WDR86: variants seen among roughly 807,000 people sequenced by gnomAD.
WDR86 encodes the protein WD repeat-containing protein 86.
Under a neutral mutation model 36.5 loss-of-function variants are expected in WDR86, and 30 were observed. The ratio of observed to expected loss-of-function variants is 0.82; its 90% CI spans 0.61 to 1.11. The LOEUF is 1.11. Ranked by LOEUF, WDR86 falls within the 50% of genes most tolerant of loss-of-function variation. The pLI is 0.00. For synonymous variants in WDR86, 255 were observed against 252.9 expected (o/e 1.01, Z -0.08); for missense variants, 545 against 561.2 (o/e 0.97, Z 0.29).
chr7:151,373,035 C>A (rs1441802878), downstream of WDR86, among the ~76,000 whole-genome samples: 3 of 152,248 alleles, frequency 2.0e-5, no homozygotes, highest in African/African-American at 7.2e-5. Context: ...TCTGGTTCCA[C>A]AATGATGATG....
chr7:151,397,270 C>A (rs1460865658), intron 2 of WDR86, among the ~76,000 whole-genome samples: 1 of 152,260 alleles, frequency 6.6e-6, no homozygotes, highest in Non-Finnish European at 1.5e-5. Context: ...CCACTCGGGA[C>A]AAGCCTGCTG....
At chr7:151,394,708 T>C (rs879860088) in intron 3 of WDR86, among the ~76,000 whole-genome samples, 1 of 152,214 alleles carries the variant, frequency 6.6e-6, no homozygotes, top group African/African-American at 2.4e-5. Context: ...GCATCTTCCA[T>C]TGATTCACCA....
At chr7:151,377,983 T>A (rs1371055611), downstream of WDR86, 1 of 152,252 alleles carries the variant, frequency 6.6e-6, no homozygotes, top group Non-Finnish European at 1.5e-5. Flanking sequence ...ATTTTTAGAC[T>A]CTGTGCTGTC....
At chr7:151,374,302 TC>T (rs1798104140), downstream of WDR86, 1 of 1,533,296 alleles carries the variant, frequency 6.5e-7, no homozygotes, top group Non-Finnish European at 8.8e-7. Context: ...TGCCCAGAGC[TC>T]CCTCCATGGC....
At chr7:151,385,591 G>A (rs1363393770) in intron 3 of WDR86, among the ~76,000 whole-genome samples, 2 of 152,178 alleles carry the variant, frequency 1.3e-5, no homozygotes, top group Non-Finnish European at 2.9e-5. Context: ...TGGCTGAGGA[G>A]AGGGCTTCCA....
chr7:151,388,082 G>A lies in WDR86; in HGVS notation c.727-2859C>T, dbSNP rs1799121930. 6.6e-6 allele frequency among the ~76,000 whole-genome samples: 1 copy of A among 152,204 alleles called. No homozygotes were observed. Among genetic ancestry groups the A allele is most frequent in the Non-Finnish European group, 1.5e-5 (1 of 68,048 alleles). On this transcript the variant is annotated intron_variant, in intron 3 of 5. Coordinates refer to ENST00000334493, the MANE Select transcript of WDR86 (RefSeq NM_198285.3). The surrounding 1 kb of genome is among the most constrained non-coding windows in gnomAD (Gnocchi z 4.2). The stretch of plus-strand genomic sequence containing the variant: ...TCTGCCCGCCGGCTCCTCAGGGTTG[G>A]GTGAGACTCATGAACTGGTACGACA...
In WDR86 at chr7:151,406,722, A is replaced by C. The variant is rs1044481391; in HGVS notation, c.163+2705T>G. Among the ~76,000 whole-genome samples, 12 of 152,078 alleles carry C rather than the reference A, an allele frequency of 7.9e-5. No individual in the cohort carries two copies. Among genetic ancestry groups the C allele is most frequent in the African/African-American group, 2.9e-4 (12 of 41,396 alleles). On this transcript the variant is annotated intron_variant, in intron 1 of 5. Transcript: ENST00000334493. This position sits in a 1 kb window ranked among gnomAD's most constrained non-coding sequence, Gnocchi z 4.4. The stretch of plus-strand genomic sequence containing the variant: ...GGATGTTGGCGACAGCACCCACCCC[A>C]TTATCGATGGTATCTAGAAAACAAC...
chr7:151,408,939 C>G (rs769834704), intron 1 of WDR86: 30 of 472,126 alleles, frequency 6.4e-5, no homozygotes, highest in Non-Finnish European at 1.2e-4. Context: ...AGTGTGACGA[C>G]GGCACACTTC....
Position 151,381,476 on chromosome 7 carries a change from TCCTCGCC to T in WDR86, c.*99_*105del, listed in dbSNP as rs751804373. 4.1e-6 allele frequency: 6 copies of T among 1,475,370 alleles called. No individual in the cohort carries two copies. The highest frequency in any genetic ancestry group is 1.3e-5 in the South Asian group (1 of 78,004). The allele number at this position is 1,475,370 out of a possible 1,614,324, so 91.4% of individuals were successfully genotyped here. ...TCTCCTCCCGCCCGGGCTTCCTCGC[TCCTCGCC>T]CCTCGCCGGCCATCGGGCGCCACCA... On this transcript the variant is annotated 3_prime_UTR_variant, in exon 6 of 6. Transcript: ENST00000334493. This position sits in a 1 kb window ranked among gnomAD's most constrained non-coding sequence, Gnocchi z 4.8.
At chr7:151,376,762 G>T (rs556670832), downstream of WDR86, 1 of 1,594,958 alleles carries the variant, frequency 6.3e-7, no homozygotes, top group Middle Eastern at 1.7e-4. Flanking sequence ...TGCCGCTGTC[G>T]CCAGAAGACT....
chr7:151,370,692 C>T, the WDR86 span, among the ~76,000 whole-genome samples: 1 of 125,014 alleles, frequency 8.0e-6, no homozygotes, highest in Admixed American at 8.3e-5. Context: ...ATCCCTCCCC[C>T]CTCCCCCCAC....
At chr7:151,402,589 C>T (rs145687213) in intron 1 of WDR86, among the ~76,000 whole-genome samples, 3 of 152,146 alleles carry the variant, frequency 2.0e-5, no homozygotes, top group Admixed American at 1.3e-4. Context: ...GGGAGAACAG[C>T]GGCTAGGAAA....
intron 2 of WDR86, among the ~76,000 whole-genome samples, chr7:151,396,496 C>T (rs1289253725): frequency 2.0e-5 from 3 of 151,670 alleles, no homozygotes; most frequent in Non-Finnish European, 4.4e-5. Context: ...GCAGGAGCAG[C>T]GGGAAGGGGA....
At chr7:151,374,894 G>A (rs1262183972), downstream of WDR86, among the ~76,000 whole-genome samples, 1 of 152,180 alleles carries the variant, frequency 6.6e-6, no homozygotes, top group Non-Finnish European at 1.5e-5. Context: ...GAGGGGTCCC[G>A]AGGGGGTGCA....
chr7:151,383,953 C>T (rs943376478), intron 4 of WDR86, among the ~76,000 whole-genome samples: 3 of 152,214 alleles, frequency 2.0e-5, no homozygotes, highest in Non-Finnish European at 4.4e-5. Context: ...GAACCTTCCT[C>T]GTGTTCAATT....
rs764851975 is a variant in WDR86, at chr7:151,396,059, G to A, written c.443C>T (p.Pro148Leu). The change falls in exon 3 of 6, where the codon CCG (proline) becomes CTG (leucine). Residue 148 changes from proline (P) to leucine (L), a missense_variant. By Grantham distance (98) the Pro-to-Leu change is moderately conservative. Coordinates refer to ENST00000334493, the MANE Select transcript of WDR86 (RefSeq NM_198285.3). Reference protein sequence around the residue: ...NCVLTLAYSAPWDLPSTPCAE... With the variant: ...NCVLTLAYSALWDLPSTPCAE... ...GCAGGGAGTGCTGGGGAGGTCCCACGGGGCAGAGTAGGCTAGGGTCAGCAC... is the reference window on the plus strand; with the variant it reads ...GCAGGGAGTGCTGGGGAGGTCCCACAGGGCAGAGTAGGCTAGGGTCAGCAC... 1.7e-5 allele frequency: 27 copies of A among 1,611,970 alleles called. No homozygotes were observed. Among genetic ancestry groups the A allele is most frequent in the Non-Finnish European group, 1.8e-5 (21 of 1,179,616 alleles).
chr7:151,380,708 C>T (rs13242467), downstream of WDR86, among the ~76,000 whole-genome samples: 16,467 of 151,918 alleles, frequency 0.11, 1,308 homozygotes, highest in East Asian at 0.34. Context: ...GTGGCTCTGG[C>T]ATGTGTGTTG....
At chr7:151,382,765 T>C (rs1278081371) in intron 4 of WDR86, among the ~76,000 whole-genome samples, 1 of 152,150 alleles carries the variant, frequency 6.6e-6, no homozygotes, top group Admixed American at 6.5e-5. Context: ...ACAGTTCACC[T>C]GGCAGGCGTC....
In WDR86 at chr7:151,409,546, C is replaced by T; in HGVS notation, c.44G>A (p.Arg15His). 2.0e-6 allele frequency: 3 copies of T among 1,516,314 alleles called. No individual in the cohort carries two copies. Among genetic ancestry groups the T allele is most frequent in the Non-Finnish European group, 1.8e-6 (2 of 1,137,326 alleles). The allele number at this position is 1,516,314 out of a possible 1,614,324, so 93.9% of individuals were successfully genotyped here. Residue 15 changes from arginine to histidine, a missense_variant, in exon 1 of 6, where the codon CGC becomes CAC. Coordinates refer to ENST00000334493, the MANE Select transcript of WDR86 (RefSeq NM_198285.3). This position sits in a 1 kb window ranked among gnomAD's most constrained non-coding sequence, Gnocchi z 5.2. ...GSALRVCADH[R>H]GGINWLSLSP... ...CAGGCTCAGCCAGTTGATGCCCCCG[C>T]GGTGGTCGGCGCAGACCCTCAGGGC...
Sources: gnomAD v4.1 joint callset for allele counts (sites outside exome capture counted in the v4.1 genomes callset) on GRCh38, gnomAD v4.1.1 for gene constraint, Gnocchi (gnomAD v3.1) non-coding constraint, MANE v1.5 for transcripts, NCBI Gene and HGNC (gene_info 2026-07-23, HGNC 2026-07-21) for gene names.